SERTM1: variants seen among roughly 807,000 people sequenced by gnomAD.
SERTM1 encodes the protein serine rich and transmembrane domain containing 1, also known as serine-rich and transmembrane domain-containing protein 1.
A neutral mutation model predicts 5.5 loss-of-function variants in SERTM1; 1 was observed. The ratio of observed to expected loss-of-function variants is 0.18; its 90% CI spans 0.06 to 0.86. The LOEUF is 0.86. Among genes scored for constraint, SERTM1 ranks in the 40% least tolerant of loss-of-function variants. The probability of loss-of-function intolerance (pLI) is 0.69; values close to 1 mark genes in which losing one functional copy is unlikely to be tolerated. For missense variants in SERTM1, 91 were observed against 122.4 expected (o/e 0.74, Z 1.21); for synonymous variants, 52 against 55.1 (o/e 0.94, Z 0.25).
chr13:36,685,362 T>C (rs1442543611), intron 1 of SERTM1, among the ~76,000 whole-genome samples: 1 of 152,170 alleles, frequency 6.6e-6, no homozygotes, highest in African/African-American at 2.4e-5. Context: ...TTCCCAGGTG[T>C]CCTTGGAAAT....
intron 1 of SERTM1, among the ~76,000 whole-genome samples, chr13:36,687,289 T>C (rs1193707074): frequency 6.6e-6 from 1 of 152,196 alleles, no homozygotes; most frequent in Middle Eastern, 3.2e-3. Flanking sequence ...ATATTTGTGA[T>C]GTTCTAATCC....
In SERTM1 at chr13:36,697,009, G is replaced by C. The variant is rs1015901286; in HGVS notation, c.*1607G>C. ...AAATGCTGAGTGAGTGGAGGTCTGGGAATGAAAATCAGAAGTCTTCTTCTT... is the reference window on the plus strand; with the variant it reads ...AAATGCTGAGTGAGTGGAGGTCTGGCAATGAAAATCAGAAGTCTTCTTCTT... On this transcript the variant is annotated 3_prime_UTR_variant, in exon 2 of 2. Coordinates refer to ENST00000315190, the MANE Select transcript of SERTM1 (RefSeq NM_203451.3). The C allele has an allele frequency of 1.8e-5, 3 of 166,798 alleles. No homozygotes were observed. The highest frequency in any genetic ancestry group is 2.9e-5 in the Non-Finnish European group (2 of 68,076). 10.3% of individuals were successfully genotyped at this position (166,798 alleles called of 1,614,324 possible). A position where few individuals can be genotyped will look rare whatever the true frequency, so the allele number is the denominator to read the frequency against.
At chr13:36,694,724 G>A (rs1421071301) in intron 1 of SERTM1, among the ~76,000 whole-genome samples, 182 bp from the exon 2 acceptor site, 2 of 152,112 alleles carry the variant, frequency 1.3e-5, no homozygotes, top group Non-Finnish European at 2.9e-5. Context: ...GAAAATAAAC[G>A]TTCATTTTTA....
rs755712276 is a variant in SERTM1 at position 36,695,369 on chromosome 13, T to C, written c.291T>C (p.Ser97=). The change falls in exon 2 of 2, where the codon TCT becomes TCC. Residue 97 remains serine (S), a synonymous_variant. Coordinates refer to ENST00000315190, the MANE Select transcript of SERTM1 (RefSeq NM_203451.3). The part of the protein sequence containing the change: ...FTNLEVCSIS[S]QRSTFSNLSS ...ATTTGGAAGTCTGCAGCATTTCCTCTCAGAGGTCCACTTTTTCAAACCTTT... is the reference window on the plus strand; with the variant it reads ...ATTTGGAAGTCTGCAGCATTTCCTCCCAGAGGTCCACTTTTTCAAACCTTT... 17 of 1,613,792 alleles carry C rather than the reference T, an allele frequency of 1.1e-5. No homozygotes were observed. The Admixed American group carries it at 2.2e-4, about 21-fold the overall frequency.
chr13:36,682,223 T>C (rs760497091), intron 1 of SERTM1, among the ~76,000 whole-genome samples: 1 of 152,228 alleles, frequency 6.6e-6, no homozygotes, highest in Non-Finnish European at 1.5e-5. Context: ...TCCCTTATTC[T>C]TTCATTCATG....
At position 36,695,580 on chromosome 13, in the gene SERTM1, G is replaced by A. The variant is rs764539915; in HGVS notation, c.*178G>A. On this transcript the variant is annotated 3_prime_UTR_variant, in exon 2 of 2. Coordinates refer to ENST00000315190, the MANE Select transcript of SERTM1 (RefSeq NM_203451.3). ...CTTTTCATTTGGGGATGGAGACACC[G>A]ATGTTGGTGGAAATGTGTGCAAACC... 30 of 622,858 alleles carry A rather than the reference G, an allele frequency of 4.8e-5. No homozygotes were observed. Among genetic ancestry groups the A allele is most frequent in the Non-Finnish European group, 6.6e-5 (23 of 347,738 alleles). The allele number at this position is 622,858 out of a possible 1,614,324, so 38.6% of individuals were successfully genotyped here.
intron 1 of SERTM1, among the ~76,000 whole-genome samples, chr13:36,691,823 G>T (rs1014843163): frequency 2.0e-5 from 3 of 152,090 alleles, no homozygotes; most frequent in African/African-American, 7.2e-5. Context: ...TTTCATTTCC[G>T]CAGTGCAACC....
rs2056802200 is a variant in SERTM1, at chr13:36,694,832, C to T, written c.-173-74C>T. 4 of 509,146 alleles carry T rather than the reference C, an allele frequency of 7.9e-6. No individual in the cohort carries two copies. In the East Asian group the frequency reaches 9.8e-5, roughly 13 times the overall value. 31.5% of individuals were successfully genotyped at this position (509,146 alleles called of 1,614,324 possible). A position where few individuals can be genotyped will look rare whatever the true frequency, so the allele number is the denominator to read the frequency against. On this transcript the variant is annotated intron_variant, in intron 1 of 1. Coordinates refer to ENST00000315190, the MANE Select transcript of SERTM1 (RefSeq NM_203451.3). Reference sequence around the variant, plus strand: ...TGCTGAGTTTTCTAACTAATCCTTACTGAAATAAAACCTAAAAATGGAATT... The same window carrying T: ...TGCTGAGTTTTCTAACTAATCCTTATTGAAATAAAACCTAAAAATGGAATT...
intron 1 of SERTM1, among the ~76,000 whole-genome samples, chr13:36,674,463 C>T (rs1194024588): frequency 2.0e-5 from 3 of 152,134 alleles, no homozygotes; most frequent in Non-Finnish European, 2.9e-5. Context: ...CCGCGAGGGG[C>T]CCTGAGTGCA....
intron 1 of SERTM1, among the ~76,000 whole-genome samples, chr13:36,677,847 T>G (rs1199235574): frequency 6.6e-6 from 1 of 152,178 alleles, no homozygotes; most frequent in Non-Finnish European, 1.5e-5. Flanking sequence ...CAGGATTATA[T>G]CAGAGGGATA....
At position 36,695,544 on chromosome 13, in the gene SERTM1, T is replaced by C. The variant is rs1200182389; in HGVS notation, c.*142T>C. ...TCTCCTTTTTCTCTGATTTCTTTTC[T>C]GTTCATGATGCTTTTCATTTGGGGA... On this transcript the variant is annotated 3_prime_UTR_variant, in exon 2 of 2. Transcript: ENST00000315190. The C allele has an allele frequency of 2.0e-5, 13 of 664,354 alleles. No individual in the cohort carries two copies. In the East Asian group the frequency reaches 3.0e-4, roughly 15 times the overall value. The allele number at this position is 664,354 out of a possible 1,614,324, so 41.2% of individuals were successfully genotyped here.
intron 1 of SERTM1, among the ~76,000 whole-genome samples, chr13:36,686,061 C>T (rs2056739120): frequency 6.6e-6 from 1 of 152,174 alleles, no homozygotes; most frequent in Non-Finnish European, 1.5e-5. Flanking sequence ...GGATTACTTG[C>T]TCCTGGAGGC....
chr13:36,682,626 G>A (rs915775980), intron 1 of SERTM1, among the ~76,000 whole-genome samples: 4 of 152,114 alleles, frequency 2.6e-5, no homozygotes, highest in African/African-American at 9.7e-5. Flanking sequence ...CTGGAGAATT[G>A]AAAACAGCAT....
chr13:36,694,791 C>A, intron 1 of SERTM1, 115 bp from the exon 2 acceptor site: 1 of 401,672 alleles, frequency 2.5e-6, no homozygotes. Flanking sequence ...GGAGTTATAT[C>A]ATCTTGTTTC....
In SERTM1 at chr13:36,697,698, A is replaced by G. The variant is rs1261179214; in HGVS notation, c.*2296A>G. 1 of 167,090 alleles carries G rather than the reference A, an allele frequency of 6.0e-6. No individual in the cohort carries two copies. The highest frequency in any genetic ancestry group is 2.4e-5 in the African/African-American group (1 of 41,454). 10.4% of individuals were successfully genotyped at this position (167,090 alleles called of 1,614,324 possible). A position where few individuals can be genotyped will look rare whatever the true frequency, so the allele number is the denominator to read the frequency against. ...GTTTAGTAGAGAAATTAAGAGCCAC[A>G]TTCAAAGATGGAAAATAAGATTTGT... On this transcript the variant is annotated 3_prime_UTR_variant, in exon 2 of 2. Transcript: ENST00000315190.
At chr13:36,688,382 T>C (rs973731886) in intron 1 of SERTM1, among the ~76,000 whole-genome samples, 1 of 151,974 alleles carries the variant, frequency 6.6e-6, no homozygotes, top group Admixed American at 6.6e-5. Context: ...CTGCATAATT[T>C]TTGTATTTTT....
At chr13:36,692,846 C>G (rs1252033953) in intron 1 of SERTM1, among the ~76,000 whole-genome samples, 1 of 152,212 alleles carries the variant, frequency 6.6e-6, no homozygotes, top group Non-Finnish European at 1.5e-5. Flanking sequence ...ATTCTAGTCA[C>G]TTTTCTGTCA....
At position 36,697,326 on chromosome 13, in the gene SERTM1, TATATA is replaced by T. The variant is rs1285114321; in HGVS notation, c.*1925_*1929del. 2 of 163,088 alleles carry T rather than the reference TATATA, an allele frequency of 1.2e-5. No individual in the cohort carries two copies. Among genetic ancestry groups the T allele is most frequent in the Admixed American group, 6.8e-5 (1 of 14,812 alleles). The allele number at this position is 163,088 out of a possible 1,614,324, so 10.1% of individuals were successfully genotyped here. On this transcript the variant is annotated 3_prime_UTR_variant, in exon 2 of 2. Transcript: ENST00000315190. Reference sequence around the variant, plus strand: ...ACACACACATAAATATATATATATATATATATATATAAACTCACATACTCCCAATT... The same window carrying T: ...ACACACACATAAATATATATATATATTATATAAACTCACATACTCCCAATT...
chr13:36,685,985 T>G (rs17800811), intron 1 of SERTM1, among the ~76,000 whole-genome samples: 17,712 of 152,216 alleles, frequency 0.12, 1,258 homozygotes, highest in Non-Finnish European at 0.15. Flanking sequence ...ACTGGGTGTT[T>G]AAACTGCAGG....
Sources: gnomAD v4.1 joint callset for allele counts (sites outside exome capture counted in the v4.1 genomes callset) on GRCh38, gnomAD v4.1.1 for gene constraint, MANE v1.5 for transcripts, NCBI Gene and HGNC (gene_info 2026-07-23, HGNC 2026-07-21) for gene names.